GABRG3: variants seen among roughly 807,000 people sequenced by gnomAD.
GABRG3 encodes gamma-aminobutyric acid receptor subunit gamma-3.
Under a neutral mutation model 48.8 loss-of-function variants are expected in GABRG3, and 25 were observed. That is an observed-to-expected ratio of 0.51 (90% CI 0.37 to 0.72). The LOEUF (loss-of-function observed/expected upper bound fraction) is 0.72. Among genes scored for constraint, GABRG3 ranks in the 30% least tolerant of loss-of-function variants. GABRG3 has a pLI of 0.00. For synonymous variants in GABRG3, 227 were observed against 217.6 expected (o/e 1.04, Z -0.38); for missense variants, 394 against 577.9 (o/e 0.68, Z 3.26).
intron 3 of GABRG3, among the ~76,000 whole-genome samples, chr15:27,322,823 GTTTA>G (rs1893478296): frequency 2.0e-5 from 3 of 152,122 alleles, no homozygotes; most frequent in South Asian, 2.1e-4. Flanking sequence ...GAGCTGCAGA[GTTTA>G]GAATAATTGG....
intron 2 of GABRG3, among the ~76,000 whole-genome samples, chr15:27,022,122 G>A (rs553179471): frequency 6.6e-6 from 1 of 152,188 alleles, no homozygotes; most frequent in African/African-American, 2.4e-5. Flanking sequence ...CAATTTCTCT[G>A]TCTTTTTTTC....
In GABRG3 at chr15:27,266,329, T is replaced by A. The variant is rs962122986; in HGVS notation, c.271-60480T>A. Among the ~76,000 whole-genome samples the A allele has an allele frequency of 6.6e-5, 10 of 152,308 alleles. No homozygotes were observed. The East Asian group carries it at 1.9e-3, about 29-fold the overall frequency. ...TATCCCATCTTTCAGTACTTTATGCTGAAGATTATCTTCTGCATTGGTTTT... is the reference window on the plus strand; with the variant it reads ...TATCCCATCTTTCAGTACTTTATGCAGAAGATTATCTTCTGCATTGGTTTT... On this transcript the variant is annotated intron_variant, in intron 3 of 9. Coordinates refer to ENST00000615808, the MANE Select transcript of GABRG3 (RefSeq NM_033223.5).
intron 3 of GABRG3, 136 bp downstream of exon 3, chr15:27,026,957 G>T: frequency 2.0e-6 from 1 of 511,534 alleles, no homozygotes; most frequent in South Asian, 4.3e-5. Context: ...AACACTTATT[G>T]GAATATTGAA....
At chr15:27,220,891 T>G (rs1359781683) in intron 3 of GABRG3, among the ~76,000 whole-genome samples, 1 of 152,156 alleles carries the variant, frequency 6.6e-6, no homozygotes, top group Admixed American at 6.5e-5. Context: ...TCATTAGCTG[T>G]AATCAGTAAT....
intron 3 of GABRG3, among the ~76,000 whole-genome samples, chr15:27,280,741 G>A (rs896357723): frequency 6.6e-6 from 1 of 152,150 alleles, no homozygotes; most frequent in Admixed American, 6.5e-5. Flanking sequence ...TTGTTTTAGT[G>A]TCTAGGATAC....
chr15:27,274,951 G>C (rs1192657121), intron 3 of GABRG3, among the ~76,000 whole-genome samples: 1 of 152,158 alleles, frequency 6.6e-6, no homozygotes, highest in East Asian at 1.9e-4. Flanking sequence ...AGTTAGTAAA[G>C]TGTTTTTGGT....
chr15:27,441,429 G>A (rs1481700241), intron 5 of GABRG3, among the ~76,000 whole-genome samples: 2 of 152,140 alleles, frequency 1.3e-5, no homozygotes, highest in East Asian at 1.9e-4. Flanking sequence ...GTTTCTTCAT[G>A]TTTGACATGA....
intron 2 of GABRG3, among the ~76,000 whole-genome samples, chr15:27,004,067 C>G (rs1345697736): frequency 7.2e-6 from 1 of 139,270 alleles, no homozygotes; most frequent in Non-Finnish European, 1.5e-5. Context: ...GCGGCTGACC[C>G]GGCGGGGGGC....
chr15:27,400,926 C>A (rs1363953033), intron 5 of GABRG3, among the ~76,000 whole-genome samples: 1 of 152,182 alleles, frequency 6.6e-6, no homozygotes, highest in Non-Finnish European at 1.5e-5. Context: ...AAACAGTCTC[C>A]CGTTTCATGG....
chr15:27,028,838 C>T (rs1040913008), intron 3 of GABRG3, among the ~76,000 whole-genome samples: 5 of 148,476 alleles, frequency 3.4e-5, no homozygotes, highest in Admixed American at 2.0e-4. Flanking sequence ...CCAGTAAGAT[C>T]GCTAGTCAGA....
intron 5 of GABRG3, among the ~76,000 whole-genome samples, chr15:27,480,139 A>G (rs1048803042): frequency 2.6e-5 from 4 of 152,240 alleles, no homozygotes; most frequent in African/African-American, 7.2e-5. Flanking sequence ...AAGCAGGTCA[A>G]CATTCACCTA....
At chr15:27,279,968 A>T (rs118055648) in intron 3 of GABRG3, among the ~76,000 whole-genome samples, 2,836 of 152,188 alleles carry the variant, frequency 0.019, 60 homozygotes, top group East Asian at 0.06. Flanking sequence ...ATAGATTTTG[A>T]CATTTTTAAA....
intron 5 of GABRG3, among the ~76,000 whole-genome samples, chr15:27,401,313 G>A (rs1225462350): frequency 6.6e-6 from 1 of 152,096 alleles, no homozygotes; most frequent in Non-Finnish European, 1.5e-5. Context: ...ATTACCATAT[G>A]TATTTTATTT....
chr15:27,352,831 T>C lies in GABRG3; in HGVS notation c.574+23943T>C, dbSNP rs1894671250. On this transcript the variant is annotated intron_variant, in intron 5 of 9. Transcript: ENST00000615808. This position sits in a 1 kb window ranked among gnomAD's most constrained non-coding sequence, Gnocchi z 4.0. ...GGGCCCAGGTATAGCAACACCTAAC[T>C]CATAGGACTATGGGGGGCGTAAAAT... Among the ~76,000 whole-genome samples the C allele has an allele frequency of 1.3e-5, 2 of 152,156 alleles. No homozygotes were observed. Among genetic ancestry groups the C allele is most frequent in the East Asian group, 1.9e-4 (1 of 5,166 alleles).
Position 27,307,382 on chromosome 15 carries a change from TA to T in GABRG3, c.271-19426del, listed in dbSNP as rs1371010430. 3.1e-5 allele frequency among the ~76,000 whole-genome samples: 4 copies of T among 130,406 alleles called. 1 individual carries two copies. Among genetic ancestry groups the T allele is most frequent in the Non-Finnish European group, 6.5e-5 (4 of 61,254 alleles). The allele number at this position is 130,406 out of a possible 152,430, so 85.6% of individuals were successfully genotyped here. On this transcript the variant is annotated intron_variant, in intron 3 of 9. Coordinates refer to ENST00000615808, the MANE Select transcript of GABRG3 (RefSeq NM_033223.5). ...ATATAACCATATAGGTTTATATATT[TA>T]TATATAACCATATAGGTTTATATAT... is the stretch of plus-strand genomic sequence containing the variant.
chr15:27,165,289 G>A (rs989801517), intron 3 of GABRG3, among the ~76,000 whole-genome samples: 7 of 152,128 alleles, frequency 4.6e-5, no homozygotes, highest in African/African-American at 1.7e-4. Flanking sequence ...GGCAGTGCTG[G>A]CGAGGTCACC....
chr15:27,184,395 T>C (rs1434345634), intron 3 of GABRG3, among the ~76,000 whole-genome samples: 2 of 152,210 alleles, frequency 1.3e-5, no homozygotes, highest in African/African-American at 2.4e-5. Context: ...GAGTTTTTCC[T>C]GTATCTGGAT....
At chr15:27,283,255 T>A (rs1891496057) in intron 3 of GABRG3, among the ~76,000 whole-genome samples, 1 of 152,098 alleles carries the variant, frequency 6.6e-6, no homozygotes, top group South Asian at 2.1e-4. Flanking sequence ...GGTGTTGGGG[T>A]GGGGCATGAA....
At chr15:27,353,833 T>A (rs1202025686) in intron 5 of GABRG3, among the ~76,000 whole-genome samples, 1 of 152,174 alleles carries the variant, frequency 6.6e-6, no homozygotes, top group Non-Finnish European at 1.5e-5. Flanking sequence ...TGTAAACTAG[T>A]ACCCGCTCCT....
Sources: allele counts gnomAD v4.1 joint callset (sites outside exome capture counted in the v4.1 genomes callset), GRCh38; gene constraint gnomAD v4.1.1; non-coding constraint Gnocchi (gnomAD v3.1); transcripts MANE v1.5; gene names NCBI Gene and HGNC (gene_info 2026-07-23, HGNC 2026-07-21).